RANBP2: variants seen among roughly 807,000 people sequenced by gnomAD.
The protein encoded by RANBP2 is RAN binding protein 2.
A neutral mutation model predicts 303.6 loss-of-function variants in RANBP2; 57 were observed. That is an observed-to-expected ratio of 0.19 (90% CI 0.15 to 0.23). The LOEUF (loss-of-function observed/expected upper bound fraction) is 0.23, where lower values mean the gene tolerates loss of function less well. Ranked by LOEUF, RANBP2 falls within the 10% of genes least tolerant of loss-of-function variation. RANBP2 has a pLI of 1.00. For synonymous variants in RANBP2, 1,167 were observed against 1,301.5 expected (o/e 0.90, Z 2.23); for missense variants, 3,138 against 3,780.8 (o/e 0.83, Z 4.46).
At chr2:109,171,532 C>T in the RANBP2 span, among the ~76,000 whole-genome samples, 13 of 152,376 alleles carry the variant, frequency 8.5e-5, no homozygotes, top group African/African-American at 2.2e-4. Flanking sequence ...GCTGTGGCTT[C>T]GCCCGCGGCG....
chr2:109,643,413 G>A, the RANBP2 span, among the ~76,000 whole-genome samples: 4 of 152,084 alleles, frequency 2.6e-5, no homozygotes, highest in Non-Finnish European at 4.4e-5. Flanking sequence ...ATAGGAGGTC[G>A]GCACAAGATA....
rs1677065903 is a variant in RANBP2 at position 108,765,649 on chromosome 2, C to T, written c.5110C>T (p.Pro1704Ser). 5 of 1,539,718 alleles carry T rather than the reference C, an allele frequency of 3.2e-6. No homozygotes were observed. The highest frequency in any genetic ancestry group is 4.4e-6 in the Non-Finnish European group (5 of 1,123,646). ...QNQTTSAVSTPASSETSKAPK... is the reference protein window; with the variant it reads ...QNQTTSAVSTSASSETSKAPK... ...TCAAACTACTTCTGCAGTTTCAACA[C>T]CTGCCTCTTCAGAGACAAGCAAGGC... The change falls in exon 20 of 29, where the codon CCT becomes TCT. Residue 1704 changes from proline to serine, a missense_variant. Physicochemically the swap from Pro to Ser is moderately conservative, Grantham distance 74 (BLOSUM62 -1). This residue lies in a region of RANBP2 where 51 missense variants were observed against 112.1 expected (regional missense o/e 0.45). Coordinates refer to ENST00000283195, the MANE Select transcript of RANBP2 (RefSeq NM_006267.5).
chr2:109,314,556 T>G, the RANBP2 span, among the ~76,000 whole-genome samples: 2 of 152,210 alleles, frequency 1.3e-5, no homozygotes, highest in African/African-American at 4.8e-5. Context: ...CTAATACATT[T>G]TTATTATTCC....
the RANBP2 span, among the ~76,000 whole-genome samples, chr2:109,456,373 G>A: frequency 2.0e-5 from 3 of 152,352 alleles, no homozygotes; most frequent in East Asian, 5.8e-4. Flanking sequence ...CATCCTGAAA[G>A]CGTGAATCCC....
At chr2:109,492,306 G>A in the RANBP2 span, among the ~76,000 whole-genome samples, 1 of 152,212 alleles carries the variant, frequency 6.6e-6, no homozygotes, top group Non-Finnish European at 1.5e-5. Flanking sequence ...TGCCAGCCCT[G>A]ACAGAGATGA....
chr2:109,170,519 T>C, the RANBP2 span, among the ~76,000 whole-genome samples: 3 of 152,178 alleles, frequency 2.0e-5, no homozygotes, highest in African/African-American at 2.4e-5. Flanking sequence ...CTAATTTTTG[T>C]ATTTTTAGTA....
the RANBP2 span, chr2:109,347,786 A>C: frequency 6.2e-7 from 1 of 1,614,002 alleles, no homozygotes; most frequent in Admixed American, 1.7e-5. Context: ...AAGGTGGATG[A>C]ACAGTGGTAC....
At chr2:109,021,497 T>G in the RANBP2 span, among the ~76,000 whole-genome samples, 1 of 133,492 alleles carries the variant, frequency 7.5e-6, no homozygotes. Flanking sequence ...CCCTCCAGCC[T>G]GGGCGACAGA....
chr2:109,674,791 T>C, the RANBP2 span, among the ~76,000 whole-genome samples: 1 of 152,110 alleles, frequency 6.6e-6, no homozygotes, highest in Non-Finnish European at 1.5e-5. Context: ...CCCCTGAGTT[T>C]GCTAGCTTTC....
At chr2:109,619,022 C>T in the RANBP2 span, 1 of 166,912 alleles carries the variant, frequency 6.0e-6, no homozygotes, top group Non-Finnish European at 1.5e-5. Context: ...TTTCTGTCGT[C>T]CTTTAGACTT....
chr2:108,873,733 C>A, the RANBP2 span: 3 of 556,842 alleles, frequency 5.4e-6, no homozygotes, highest in Admixed American at 3.3e-5. Flanking sequence ...TACGCTAACA[C>A]TAACGATAGC....
the RANBP2 span, among the ~76,000 whole-genome samples, chr2:109,001,954 T>C: frequency 6.6e-6 from 1 of 151,900 alleles, no homozygotes; most frequent in Non-Finnish European, 1.5e-5. Context: ...ATGGTCTCGA[T>C]CTCCTGACCT....
chr2:109,444,947 C>T, the RANBP2 span, among the ~76,000 whole-genome samples: 1 of 151,948 alleles, frequency 6.6e-6, no homozygotes, highest in Non-Finnish European at 1.5e-5. Context: ...AAAAGAAAAA[C>T]AGGAAGCTAT....
At chr2:109,317,374 G>A in the RANBP2 span, among the ~76,000 whole-genome samples, 1 of 152,100 alleles carries the variant, frequency 6.6e-6, no homozygotes, top group African/African-American at 2.4e-5. Flanking sequence ...GGGGGTGGAG[G>A]AGAGTCCAGA....
At chr2:109,609,231 C>A in the RANBP2 span, among the ~76,000 whole-genome samples, 1 of 152,154 alleles carries the variant, frequency 6.6e-6, no homozygotes, top group Non-Finnish European at 1.5e-5. Flanking sequence ...ATAATTTATT[C>A]ATTTAACATT....
At chr2:109,672,031 CT>C in the RANBP2 span, among the ~76,000 whole-genome samples, 1 of 151,932 alleles carries the variant, frequency 6.6e-6, no homozygotes, top group Non-Finnish European at 1.5e-5. Flanking sequence ...CTTTTGTTTT[CT>C]TTTTCCCAAG....
the RANBP2 span, among the ~76,000 whole-genome samples, chr2:109,014,319 A>G: frequency 1.3e-5 from 2 of 152,162 alleles, no homozygotes; most frequent in African/African-American, 2.4e-5. Context: ...CCAAAACCCA[A>G]TTTGAAAACC....
rs1214116962 is a variant in RANBP2 at position 108,764,927 on chromosome 2, A to C, written c.4388A>C (p.Asp1463Ala). Residue 1463 changes from aspartate to alanine, a missense_variant, in exon 20 of 29, where the codon GAT (aspartate) becomes GCT (alanine). Physicochemically the swap from Asp to Ala is moderately radical, Grantham distance 126 (BLOSUM62 -2). This residue lies in a region of RANBP2 where 388 missense variants were observed against 328.5 expected (regional missense o/e 1.18). Transcript: ENST00000283195. ...HQASFKFGQGDLPKPINSDFR... is the reference protein window; with the variant it reads ...HQASFKFGQGALPKPINSDFR... ...GCTTCATTTAAATTTGGCCAGGGAG[A>C]TCTTCCTAAACCTATTAACAGTGAT... The C allele has an allele frequency of 1.2e-6, 2 of 1,614,042 alleles. No homozygotes were observed. The highest frequency in any genetic ancestry group is 3.3e-5 in the Admixed American group (2 of 59,968).
chr2:108,939,744 G>A, the RANBP2 span, among the ~76,000 whole-genome samples: 1 of 152,110 alleles, frequency 6.6e-6, no homozygotes, highest in Non-Finnish European at 1.5e-5. Flanking sequence ...TCTGCCAATG[G>A]GCTACTGTGC....
Sources: allele counts gnomAD v4.1 joint callset (sites outside exome capture counted in the v4.1 genomes callset), GRCh38; gene constraint gnomAD v4.1.1; regional missense constraint gnomAD v4.1.1; transcripts MANE v1.5; gene names NCBI Gene and HGNC (gene_info 2026-07-23, HGNC 2026-07-21).